The following PDE1A variants were observed in gnomAD, a reference collection of about 807,000 sequenced individuals.
PDE1A encodes dual specificity calcium/calmodulin-dependent 3',5'-cyclic nucleotide phosphodiesterase 1A.
A neutral mutation model predicts 61.7 loss-of-function variants in PDE1A; 35 were observed. That is an observed-to-expected ratio of 0.57 (90% CI 0.43 to 0.75). PDE1A has a LOEUF of 0.75. Among genes scored for constraint, PDE1A ranks in the 30% least tolerant of loss-of-function variants. PDE1A has a pLI of 0.00. For synonymous variants in PDE1A, 232 were observed against 213.2 expected (o/e 1.09, Z -0.77); for missense variants, 597 against 630.6 (o/e 0.95, Z 0.57).
the PDE1A span, among the ~76,000 whole-genome samples, chr2:182,647,109 C>T: frequency 3.3e-5 from 5 of 152,036 alleles, no homozygotes; most frequent in Admixed American, 1.3e-4. Flanking sequence ...TGGAACTGAC[C>T]GAATTAGGAT....
At chr2:182,487,120 T>G (rs1688069984) in intron 2 of PDE1A, among the ~76,000 whole-genome samples, 1 of 152,174 alleles carries the variant, frequency 6.6e-6, no homozygotes, top group Admixed American at 6.5e-5. Flanking sequence ...GAATAGATAT[T>G]CTATCAAAGA....
At chr2:182,189,368 T>A (rs1301322702) in intron 10 of PDE1A, among the ~76,000 whole-genome samples, 1 of 152,190 alleles carries the variant, frequency 6.6e-6, no homozygotes, top group African/African-American at 2.4e-5. Context: ...AAAGTCACCA[T>A]AAAATAACTA....
intron 2 of PDE1A, among the ~76,000 whole-genome samples, chr2:182,513,667 G>A (rs1689958040): frequency 6.6e-6 from 1 of 152,208 alleles, no homozygotes. Flanking sequence ...GGATAAAGAA[G>A]CAAGGCCCAA....
At position 182,352,231 on chromosome 2, in the gene PDE1A, C is replaced by T. The variant is rs191077772; in HGVS notation, c.53+74347G>A. Among the ~76,000 whole-genome samples, 163 of 152,298 alleles carry T rather than the reference C, an allele frequency of 1.1e-3. No individual in the cohort carries two copies. The Middle Eastern group carries it at 0.02, about 19-fold the overall frequency. ...ACGGTGTAAAATGGGTTCCCAAGCC[C>T]AGTGTTCCTCAACTGTGATGCAAAG... On this transcript the variant is annotated intron_variant, in intron 1 of 13. Coordinates refer to ENST00000351439, the Ensembl canonical transcript of PDE1A.
intron 2 of PDE1A, among the ~76,000 whole-genome samples, chr2:182,518,211 T>C (rs1335643582): frequency 1.3e-5 from 2 of 152,190 alleles, no homozygotes; most frequent in South Asian, 2.1e-4. Context: ...TAATAGCTCC[T>C]GTCACTTCCA....
At chr2:182,167,997 A>G (rs756119331) in exon 14 of PDE1A, 108 of 1,214,612 alleles carry the variant, frequency 8.9e-5, no homozygotes, top group Admixed American at 1.3e-4. Flanking sequence ...TGCCATTGAA[A>G]CAGATATCTG....
the PDE1A span, among the ~76,000 whole-genome samples, chr2:182,615,410 G>A: frequency 6.6e-6 from 1 of 152,002 alleles, no homozygotes; most frequent in Non-Finnish European, 1.5e-5. Context: ...TATCTTATTA[G>A]AACAATACAA....
At chr2:182,658,047 T>TAAAAAAAAAAAAAAA in the PDE1A span, among the ~76,000 whole-genome samples, 18 of 66,668 alleles carry the variant, frequency 2.7e-4, no homozygotes, top group African/African-American at 7.6e-4. Context: ...AGCTTCTCAG[T>TAAAAAAAAAAAAAAA]AAAAAAAAAA....
At chr2:182,400,573 C>T (rs1210666200) in intron 1 of PDE1A, among the ~76,000 whole-genome samples, 2 of 152,158 alleles carry the variant, frequency 1.3e-5, no homozygotes, top group Non-Finnish European at 2.9e-5. Flanking sequence ...CTCCAGAGGA[C>T]TCTCAGGAGC....
At chr2:182,340,488 T>C (rs574168228) in intron 1 of PDE1A, among the ~76,000 whole-genome samples, 89 of 152,276 alleles carry the variant, frequency 5.8e-4, no homozygotes, top group African/African-American at 2.0e-3. Flanking sequence ...CTTCATGAAA[T>C]ACCTCTTGTA....
intron 10 of PDE1A, among the ~76,000 whole-genome samples, chr2:182,194,312 C>T (rs958860605): frequency 3.3e-5 from 5 of 152,128 alleles, no homozygotes; most frequent in South Asian, 2.1e-4. Context: ...GCCAACCTGA[C>T]ATGTGTGTTC....
the PDE1A span, among the ~76,000 whole-genome samples, chr2:182,670,079 GGCCATGCAGATATCTTGTCCA>G: frequency 6.6e-6 from 1 of 152,176 alleles, no homozygotes; most frequent in Non-Finnish European, 1.5e-5. Context: ...ACTGCCACAG[GGCCATGCAGATATCTTGTCCA>G]GCCCACCACC....
chr2:182,417,539 T>TA (rs758056634), intron 1 of PDE1A, among the ~76,000 whole-genome samples: 12 of 152,284 alleles, frequency 7.9e-5, no homozygotes, highest in Non-Finnish European at 1.6e-4. Context: ...TTCTATATCC[T>TA]AAAAAAGCAT....
At chr2:182,596,728 A>C in the PDE1A span, among the ~76,000 whole-genome samples, 72,982 of 145,314 alleles carry the variant, frequency 0.5, 17,979 homozygotes, top group East Asian at 0.62. Context: ...GGAAAAATGC[A>C]AGAATTTGGG....
At chr2:182,325,067 C>T (rs1201062741) in intron 1 of PDE1A, among the ~76,000 whole-genome samples, 3 of 152,158 alleles carry the variant, frequency 2.0e-5, no homozygotes, top group Admixed American at 6.5e-5. Context: ...TATTAACACA[C>T]ATCAGGGCTA....
chr2:182,357,364 A>G (rs541104700), intron 1 of PDE1A, among the ~76,000 whole-genome samples: 10 of 152,292 alleles, frequency 6.6e-5, no homozygotes, highest in Non-Finnish European at 1.5e-4. Context: ...CTGAACACGT[A>G]GATGACATCA....
chr2:182,484,474 A>T (rs1234321305), intron 2 of PDE1A, among the ~76,000 whole-genome samples: 2 of 152,202 alleles, frequency 1.3e-5, no homozygotes, highest in Non-Finnish European at 2.9e-5. Flanking sequence ...CATGATAAAG[A>T]TACCAAAAGC....
chr2:182,300,983 C>A (rs963566758), intron 1 of PDE1A, among the ~76,000 whole-genome samples: 1 of 152,088 alleles, frequency 6.6e-6, no homozygotes, highest in Non-Finnish European at 1.5e-5. Flanking sequence ...CATTTTCCTA[C>A]CTGGAAAGAG....
the PDE1A span, among the ~76,000 whole-genome samples, chr2:182,542,950 A>G: frequency 6.6e-6 from 1 of 152,196 alleles, no homozygotes; most frequent in African/African-American, 2.4e-5. Flanking sequence ...TACATTTATA[A>G]GCATTATCAT....
Sources: gnomAD v4.1 joint callset for allele counts (sites outside exome capture counted in the v4.1 genomes callset) on GRCh38, gnomAD v4.1.1 for gene constraint, MANE v1.5 for transcripts, NCBI Gene and HGNC (gene_info 2026-07-23, HGNC 2026-07-21) for gene names.